Variants in ERP44 observed in about 807,000 individuals in gnomAD.
ERP44 encodes endoplasmic reticulum protein 44, also known as endoplasmic reticulum resident protein 44.
ERP44 carries 25 observed loss-of-function variants against 53.4 expected under a neutral mutation model. The observed-to-expected ratio is 0.47, with a 90% confidence interval of 0.34 to 0.65. The LOEUF (loss-of-function observed/expected upper bound fraction) is 0.65, where lower values mean the gene tolerates loss of function less well. ERP44 is among the 30% of genes least tolerant of loss of function. The pLI, the probability that ERP44 is intolerant of heterozygous loss-of-function variation, is 0.01. For synonymous variants in ERP44, 145 were observed against 161.2 expected, an observed-to-expected ratio of 0.90 and a Z score of 0.76; for missense variants, 338 against 493.2, an observed-to-expected ratio of 0.69 and a Z score of 2.98.
chr9:100,098,235 C>T (rs1171203073), intron 1 of ERP44, among the ~76,000 whole-genome samples: 2 of 152,218 alleles, frequency 1.3e-5, no homozygotes, highest in African/African-American at 2.4e-5. Context: ...CAGGTAACCA[C>T]ACCTTCCACC....
intron 6 of ERP44, among the ~76,000 whole-genome samples, chr9:100,019,905 G>A (rs1384992791): frequency 1.3e-5 from 2 of 152,074 alleles, no homozygotes; most frequent in African/African-American, 2.4e-5. Context: ...CTTCCAAAAG[G>A]TTAAGTTTTT....
intron 10 of ERP44, chr9:99,999,150 C>A: frequency 1.8e-6 from 1 of 561,168 alleles, no homozygotes. Flanking sequence ...GCTGGGAGGC[C>A]AGGGCTCCGC....
At chr9:99,995,598 T>A (rs766465897) in intron 10 of ERP44, among the ~76,000 whole-genome samples, 8 of 152,216 alleles carry the variant, frequency 5.3e-5, no homozygotes, top group African/African-American at 9.6e-5. Flanking sequence ...ATATTCTGCA[T>A]ATGAGTGAGA....
At chr9:100,042,035 C>T (rs1444413594) in intron 4 of ERP44, among the ~76,000 whole-genome samples, 1 of 152,078 alleles carries the variant, frequency 6.6e-6, no homozygotes, top group African/African-American at 2.4e-5. Flanking sequence ...GCACAGGCAA[C>T]CAAAGTAAAT....
chr9:100,056,799 G>A (rs567252779), intron 3 of ERP44, among the ~76,000 whole-genome samples: 1 of 152,316 alleles, frequency 6.6e-6, no homozygotes, highest in South Asian at 2.1e-4. Context: ...AGTATAACTG[G>A]AGCAGAATGT....
At chr9:100,000,627 C>A (rs1192390473) in intron 10 of ERP44, among the ~76,000 whole-genome samples, 1 of 151,954 alleles carries the variant, frequency 6.6e-6, no homozygotes, top group Non-Finnish European at 1.5e-5. Context: ...ATTGTATGTG[C>A]CTAGTATTTT....
chr9:100,053,126 C>A (rs1390458645), intron 3 of ERP44, among the ~76,000 whole-genome samples: 1 of 152,102 alleles, frequency 6.6e-6, no homozygotes, highest in Non-Finnish European at 1.5e-5. Flanking sequence ...TCAAATCTCA[C>A]AGGCAAGTTA....
intron 10 of ERP44, among the ~76,000 whole-genome samples, chr9:99,996,124 T>C (rs1378410429): frequency 1.3e-5 from 2 of 152,154 alleles, no homozygotes; most frequent in African/African-American, 4.8e-5. Flanking sequence ...TTTGAAATTT[T>C]ATCCCCAACA....
chr9:100,036,524 A>G (rs2118680502), intron 4 of ERP44, among the ~76,000 whole-genome samples: 1 of 152,312 alleles, frequency 6.6e-6, no homozygotes, highest in Non-Finnish European at 1.5e-5. Context: ...GGCAAGGACT[A>G]AAAAGCTACC....
chr9:100,029,537 T>A (rs1825751151), intron 4 of ERP44, among the ~76,000 whole-genome samples: 1 of 152,162 alleles, frequency 6.6e-6, no homozygotes, highest in Admixed American at 6.5e-5. Context: ...TGCAGAGGAT[T>A]TGGAGAAAGG....
At chr9:100,035,325 C>G (rs934360771) in intron 4 of ERP44, among the ~76,000 whole-genome samples, 1 of 152,150 alleles carries the variant, frequency 6.6e-6, no homozygotes, top group African/African-American at 2.4e-5. Context: ...AAATGATGCA[C>G]TCAACAAAGG....
intron 1 of ERP44, among the ~76,000 whole-genome samples, chr9:100,069,664 C>A (rs547039305): frequency 6.6e-6 from 1 of 152,024 alleles, no homozygotes; most frequent in Non-Finnish European, 1.5e-5. Flanking sequence ...TATAAGATTT[C>A]TTCGTTAAAT....
At chr9:100,075,663 T>A (rs1826347573) in intron 1 of ERP44, among the ~76,000 whole-genome samples, 1 of 152,204 alleles carries the variant, frequency 6.6e-6, no homozygotes, top group Admixed American at 6.5e-5. Context: ...TTCTAGGGTT[T>A]CAGTGGTGTG....
intron 4 of ERP44, among the ~76,000 whole-genome samples, chr9:100,042,308 G>A (rs1367365319): frequency 6.6e-6 from 1 of 152,100 alleles, no homozygotes; most frequent in African/African-American, 2.4e-5. Context: ...ATATAAAAAC[G>A]TGCACAACAT....
intron 4 of ERP44, among the ~76,000 whole-genome samples, chr9:100,024,191 A>G (rs1263721415): frequency 6.9e-6 from 1 of 144,808 alleles, no homozygotes; most frequent in East Asian, 1.9e-4. Context: ...AACAACAACA[A>G]CAAAGTTACT....
At chr9:100,067,599 T>C (rs537274976) in intron 1 of ERP44, among the ~76,000 whole-genome samples, 2 of 152,174 alleles carry the variant, frequency 1.3e-5, no homozygotes, top group Admixed American at 1.3e-4. Flanking sequence ...TTGCAGCCTC[T>C]GCCCGGCCGC....
chr9:100,069,436 AT>A (rs1361334796), intron 1 of ERP44, among the ~76,000 whole-genome samples: 2 of 152,172 alleles, frequency 1.3e-5, no homozygotes, highest in East Asian at 3.8e-4. Context: ...ACTTTCAGAC[AT>A]TAATAATTAT....
chr9:100,040,734 A>T (rs1164894597), intron 4 of ERP44, among the ~76,000 whole-genome samples: 3 of 152,200 alleles, frequency 2.0e-5, no homozygotes, highest in Non-Finnish European at 4.4e-5. Context: ...TTGTTTGTAA[A>T]TAATATGATC....
At chr9:100,073,142 G>C (rs1826323249) in intron 1 of ERP44, among the ~76,000 whole-genome samples, 2 of 152,144 alleles carry the variant, frequency 1.3e-5, no homozygotes, top group Non-Finnish European at 2.9e-5. Context: ...TTAAAAATAA[G>C]TACCCTGTAA....
Sources: gnomAD v4.1 joint callset for allele counts (sites outside exome capture counted in the v4.1 genomes callset) on GRCh38, gnomAD v4.1.1 for gene constraint, MANE v1.5 for transcripts, NCBI Gene and HGNC (gene_info 2026-07-23, HGNC 2026-07-21) for gene names.